The following VCL variants were observed in gnomAD, a reference collection of about 807,000 sequenced individuals.
VCL encodes vinculin.
A neutral mutation model predicts 125.7 loss-of-function variants in VCL; 47 were observed. The ratio of observed to expected loss-of-function variants is 0.37; its 90% CI spans 0.30 to 0.48. The LOEUF (loss-of-function observed/expected upper bound fraction) is 0.48, where lower values mean the gene tolerates loss of function less well. Among genes scored for constraint, VCL ranks in the 20% least tolerant of loss-of-function variants. The probability of loss-of-function intolerance (pLI) is 0.99; values close to 1 mark genes in which losing one functional copy is unlikely to be tolerated. For missense variants in VCL, 1,069 were observed against 1,455.5 expected (o/e 0.73, Z 4.32); for synonymous variants, 458 against 514.6 (o/e 0.89, Z 1.49).
chr10:74,100,811 T>C, intron 13 of VCL, 137 bp from the exon 14 acceptor site: 1 of 1,054,800 alleles, frequency 9.5e-7, no homozygotes, highest in Non-Finnish European at 1.4e-6. Context: ...TTGACTGTTG[T>C]TTTATTAACT....
chr10:74,023,351 G>A (rs755720275), intron 1 of VCL, among the ~76,000 whole-genome samples: 51 of 152,156 alleles, frequency 3.4e-4, no homozygotes, highest in Non-Finnish European at 6.0e-4. Flanking sequence ...ATAAAGCCTC[G>A]GCATGTAGTA....
rs569283959 is a variant in VCL, at chr10:74,033,677, C to T, written c.169-9406C>T. Among the ~76,000 whole-genome samples the T allele has an allele frequency of 1.2e-4, 19 of 152,266 alleles. No homozygotes were observed. The East Asian group carries it at 2.5e-3, about 20-fold the overall frequency. ...CATTCATTATCCATGGCTTTTAGAA[C>T]GTCTGAGTTGCCTGTTACTTGTGAA... On this transcript the variant is annotated intron_variant, in intron 1 of 21. Transcript: ENST00000211998.
At chr10:74,086,710 A>G (rs1839781080) in intron 8 of VCL, among the ~76,000 whole-genome samples, 1 of 152,246 alleles carries the variant, frequency 6.6e-6, no homozygotes, top group Admixed American at 6.5e-5. Context: ...TGTAAAGAGA[A>G]AAGGCTAGAA....
intron 12 of VCL, among the ~76,000 whole-genome samples, chr10:74,096,959 T>A (rs942974441): frequency 6.6e-6 from 1 of 152,240 alleles, no homozygotes; most frequent in Non-Finnish European, 1.5e-5. Context: ...GGTTCCTTGA[T>A]TGAGTGGAAC....
In VCL at chr10:74,005,090, A is replaced by T. The variant is rs1447189517; in HGVS notation, c.168+6715A>T. ...AAAACAGATGAAGAGTTTTTGTGGT[A>T]TATGTGCCTGCTTAGCTTGAAGCCT... On this transcript the variant is annotated intron_variant, in intron 1 of 21. Transcript: ENST00000211998. 4 of 152,154 alleles carry T rather than the reference A, an allele frequency of 2.6e-5. No homozygotes were observed. In the East Asian group the frequency reaches 7.7e-4, roughly 29 times the overall value. The allele number at this position is 152,154 out of a possible 1,614,324, so 9.4% of individuals were successfully genotyped here.
chr10:74,098,106 C>G (rs1175863113), intron 13 of VCL, among the ~76,000 whole-genome samples: 1 of 152,184 alleles, frequency 6.6e-6, no homozygotes, highest in Non-Finnish European at 1.5e-5. Flanking sequence ...TGTGGTACCA[C>G]TCTTCCCCCT....
intron 18 of VCL, 119 bp from the exon 19 acceptor site, chr10:74,111,786 AACAT>A: frequency 7.9e-7 from 1 of 1,269,402 alleles, no homozygotes; most frequent in Non-Finnish European, 1.1e-6. Flanking sequence ...GCTCCTAGAG[AACAT>A]GTTTCTTTCT....
chr10:74,099,942 A>G (rs778592811), intron 13 of VCL, among the ~76,000 whole-genome samples: 88 of 152,322 alleles, frequency 5.8e-4, no homozygotes, highest in Admixed American at 9.8e-4. Context: ...GGAACCTGCT[A>G]TTGAACCAAG....
chr10:74,085,613 A>G (rs1839756918), intron 8 of VCL, among the ~76,000 whole-genome samples: 1 of 152,208 alleles, frequency 6.6e-6, no homozygotes, highest in African/African-American at 2.4e-5. Flanking sequence ...TTTGGAATTC[A>G]TACAGATGAA....
At chr10:74,086,538 C>T (rs1213405947) in intron 8 of VCL, among the ~76,000 whole-genome samples, 1 of 152,248 alleles carries the variant, frequency 6.6e-6, no homozygotes, top group East Asian at 1.9e-4. Context: ...GGATTCTTGG[C>T]TCTTCTGATT....
intron 6 of VCL, 77 bp from the exon 7 acceptor site, chr10:74,082,377 C>G (rs944010939): frequency 3.3e-6 from 5 of 1,529,568 alleles, no homozygotes; most frequent in Non-Finnish European, 4.5e-6. Context: ...AATGCTGTAA[C>G]TTCTTCTCTG....
intron 10 of VCL, among the ~76,000 whole-genome samples, chr10:74,090,404 A>G (rs1444545358): frequency 6.6e-6 from 1 of 152,206 alleles, no homozygotes; most frequent in East Asian, 1.9e-4. Flanking sequence ...ACTGAGGTTT[A>G]ATGATTTATT....
At chr10:74,009,215 T>TCCCCC (rs1565631984) in intron 1 of VCL, among the ~76,000 whole-genome samples, 5 of 75,014 alleles carry the variant, frequency 6.7e-5, no homozygotes, top group Admixed American at 1.4e-4. Flanking sequence ...GGCTGCTGCT[T>TCCCCC]TCCCCCCCCC....
At chr10:74,039,788 AAAG>A (rs1841059733) in intron 1 of VCL, among the ~76,000 whole-genome samples, 2 of 152,132 alleles carry the variant, frequency 1.3e-5, no homozygotes, top group Non-Finnish European at 2.9e-5. Context: ...AAAGAAAAGA[AAAG>A]AAAAGAAAAA....
chr10:74,043,064 A>T lies in VCL; in HGVS notation c.169-19A>T, dbSNP rs770892019. The T allele has an allele frequency of 6.2e-7, 1 of 1,606,780 alleles. No homozygotes were observed. The highest frequency in any genetic ancestry group is 2.2e-5 in the East Asian group (1 of 44,674). The stretch of plus-strand genomic sequence containing the variant: ...TCTGAGAATTTATATTTGAATTATG[A>T]TTTTTTTTCCTCTTGTAGGTTGGAA... On this transcript the variant is annotated intron_variant, in intron 1 of 21. Coordinates refer to ENST00000211998, the MANE Select transcript of VCL (RefSeq NM_014000.3).
chr10:74,103,221 C>G (rs893437557), intron 14 of VCL, among the ~76,000 whole-genome samples: 3 of 152,176 alleles, frequency 2.0e-5, no homozygotes, highest in Non-Finnish European at 4.4e-5. Flanking sequence ...GGAGCTAACT[C>G]CTTCCTAATG....
intron 2 of VCL, among the ~76,000 whole-genome samples, chr10:74,046,844 G>A (rs1310338794): frequency 6.6e-6 from 1 of 152,184 alleles, no homozygotes; most frequent in African/African-American, 2.4e-5. Flanking sequence ...GACATATTCT[G>A]AAATATGCTA....
chr10:74,004,543 G>A (rs947142163), intron 1 of VCL, among the ~76,000 whole-genome samples: 2 of 152,156 alleles, frequency 1.3e-5, no homozygotes, highest in Non-Finnish European at 2.9e-5. Context: ...AGAAGCAACA[G>A]GAATGCTGTT....
At chr10:74,050,516 CTAAAG>C (rs1482859183) in intron 2 of VCL, among the ~76,000 whole-genome samples, 8 of 152,056 alleles carry the variant, frequency 5.3e-5, no homozygotes, top group Non-Finnish European at 1.0e-4. Context: ...CTCTTTTGAC[CTAAAG>C]TAATGATGTC....
Sources: allele counts gnomAD v4.1 joint callset (sites outside exome capture counted in the v4.1 genomes callset), GRCh38; gene constraint gnomAD v4.1.1; transcripts MANE v1.5; gene names NCBI Gene and HGNC (gene_info 2026-07-23, HGNC 2026-07-21).